Variants in DMD observed in about 807,000 individuals in gnomAD.
DMD encodes mutant dystrophin.
A neutral mutation model predicts 330.1 loss-of-function variants in DMD; 63 were observed. The ratio of observed to expected loss-of-function variants is 0.19; its 90% CI spans 0.16 to 0.24. The LOEUF (loss-of-function observed/expected upper bound fraction) is 0.24, where lower values mean the gene tolerates loss of function less well. Ranked by LOEUF, DMD falls within the 10% of genes least tolerant of loss-of-function variation. DMD has a pLI of 1.00. For missense variants in DMD, 3,344 were observed against 2,684.1 expected, an observed-to-expected ratio of 1.25 and a Z score of -5.43; for synonymous variants, 1,223 against 959.8, an observed-to-expected ratio of 1.27 and a Z score of -5.07.
intron 1 of DMD, among the ~76,000 whole-genome samples, chrX:33,254,127 C>T (rs1314008879): frequency 9.2e-6 from 1 of 108,225 alleles, no homozygotes; most frequent in Non-Finnish European, 1.9e-5. Context: ...AATATGTTCC[C>T]GATATTCTTG....
intron 52 of DMD, among the ~76,000 whole-genome samples, chrX:31,713,169 G>A: frequency 8.9e-6 from 1 of 111,928 alleles, no homozygotes; most frequent in East Asian, 2.8e-4. Flanking sequence ...GCTTTCTAAT[G>A]TCAAATATCA....
intron 60 of DMD, among the ~76,000 whole-genome samples, chrX:31,380,050 G>A (rs1253057991): frequency 9.0e-6 from 1 of 110,571 alleles, no homozygotes; most frequent in Non-Finnish European, 1.9e-5. Context: ...CACAGTGGAG[G>A]GTAAGTCCGT....
At chrX:32,084,322 A>G (rs1268056631) in intron 44 of DMD, among the ~76,000 whole-genome samples, 1 of 111,034 alleles carries the variant, frequency 9.0e-6, no homozygotes, top group Non-Finnish European at 1.9e-5. Context: ...GTGAAAACCA[A>G]GATGTTTCCT....
rs772488016 is a variant in DMD, at chrX:32,386,334, C to T, written c.4650G>A (p.Leu1550=). The T allele has an allele frequency of 1.7e-6, 2 of 1,208,958 alleles. No homozygotes were observed. The highest frequency in any genetic ancestry group is 4.4e-5 in the Admixed American group (2 of 45,817). ...CCTTTGCTCCCAGCTCATTATAATG[C>T]AATTTCAAAGCTGTTACTCTTTCAT... ...ELDERVTALK[L]HYNELGAKVT... is the part of the protein sequence containing the mutation. Residue 1550 remains leucine (L), a synonymous_variant, in exon 33 of 79, where the codon TTG becomes TTA. Coordinates refer to ENST00000357033, the MANE Select transcript of DMD (RefSeq NM_004006.3).
chrX:32,818,397 G>A (rs1432269488), intron 5 of DMD, among the ~76,000 whole-genome samples: 1 of 111,073 alleles, frequency 9.0e-6, no homozygotes, highest in Non-Finnish European at 1.9e-5. Flanking sequence ...AAATAATAAA[G>A]GGCAATGTAT....
chrX:32,278,470 C>T (rs757851705), intron 43 of DMD, among the ~76,000 whole-genome samples: 1 of 111,136 alleles, frequency 9.0e-6, no homozygotes, highest in African/African-American at 3.3e-5. Flanking sequence ...AAAATTTTCG[C>T]AACCTACTCA....
chrX:31,141,036 C>A (rs1248496441), intron 76 of DMD, among the ~76,000 whole-genome samples: 1 of 110,780 alleles, frequency 9.0e-6, no homozygotes, highest in Non-Finnish European at 1.9e-5. Flanking sequence ...ACTAAAAATA[C>A]AAGAAAAAGT....
At chrX:32,669,951 C>T (rs763466689) in intron 9 of DMD, among the ~76,000 whole-genome samples, 9 of 111,402 alleles carry the variant, frequency 8.1e-5, no homozygotes, top group Non-Finnish European at 1.7e-4. Flanking sequence ...ACACACGAAA[C>T]GAACAGTCAC....
chrX:32,252,685 A>AAATAT (rs1569553590), intron 43 of DMD, among the ~76,000 whole-genome samples: 1 of 26,507 alleles, frequency 3.8e-5, no homozygotes, highest in Non-Finnish European at 6.1e-5. Flanking sequence ...TAAATATATA[A>AAATAT]ATATATATAT....
intron 60 of DMD, among the ~76,000 whole-genome samples, chrX:31,370,797 A>G (rs1275723600): frequency 8.9e-6 from 1 of 112,150 alleles, no homozygotes; most frequent in Non-Finnish European, 1.9e-5. Flanking sequence ...TCAAGGGGTG[A>G]GTGATTAAAT....
intron 7 of DMD, among the ~76,000 whole-genome samples, chrX:32,773,528 T>A (rs12008416): frequency 0.026 from 2,853 of 108,074 alleles, 95 homozygotes; most frequent in African/African-American, 0.09. Flanking sequence ...TTTTTTTTTT[T>A]TTTTTACCTA....
chrX:32,483,191 T>G (rs1482785822), intron 21 of DMD, among the ~76,000 whole-genome samples: 1 of 58,226 alleles, frequency 1.7e-5, no homozygotes, highest in Non-Finnish European at 3.7e-5. Flanking sequence ...AAGGGTTATT[T>G]ATTAATCTAG....
At chrX:32,320,310 C>A (rs1185335198) in intron 41 of DMD, among the ~76,000 whole-genome samples, 2 of 111,716 alleles carry the variant, frequency 1.8e-5, no homozygotes, top group Non-Finnish European at 3.8e-5. Flanking sequence ...AGGAAGTATT[C>A]TCTTCATTAG....
chrX:33,307,025 T>C (rs1208989791), intron 1 of DMD, among the ~76,000 whole-genome samples: 2 of 111,788 alleles, frequency 1.8e-5, no homozygotes, highest in Non-Finnish European at 3.8e-5. Context: ...TAAAATTATA[T>C]CCTTTTAATA....
intron 1 of DMD, among the ~76,000 whole-genome samples, chrX:33,076,866 T>G (rs1196336064): frequency 9.0e-6 from 1 of 111,471 alleles, no homozygotes; most frequent in East Asian, 2.8e-4. Context: ...GACCGAAGTT[T>G]TATTATTACT....
intron 64 of DMD, among the ~76,000 whole-genome samples, chrX:31,212,996 T>C (rs1242102453): frequency 8.9e-6 from 1 of 112,797 alleles, no homozygotes; most frequent in South Asian, 3.7e-4. Context: ...TAAATAATTC[T>C]GTGATCTAAT....
At chrX:31,644,001 T>C (rs2079934687) in intron 54 of DMD, among the ~76,000 whole-genome samples, 1 of 112,062 alleles carries the variant, frequency 8.9e-6, no homozygotes, top group South Asian at 3.7e-4. Context: ...ACTTTCATTA[T>C]ATAGTAATCA....
In DMD at chrX:32,408,900, CTATCTATCT is replaced by C. The variant is rs1569561561; in HGVS notation, c.4233+2843_4233+2851del. ...TCTATCTATCTATCTATCTATCTAT[CTATCTATCT>C]ATCCATCCATCAATCCATACATCCA... is the stretch of plus-strand genomic sequence containing the variant. On this transcript the variant is annotated intron_variant, in intron 30 of 78. Transcript: ENST00000357033. Among the ~76,000 whole-genome samples the C allele has an allele frequency of 5.0e-3, 540 of 108,893 alleles. 4 individuals are homozygous for C. The highest frequency in any genetic ancestry group is 0.017 in the African/African-American group (499 of 29,782). The allele number at this position is 108,893 out of a possible 115,157, so 94.6% of individuals were successfully genotyped here.
At chrX:32,869,466 G>A (rs1476565429) in intron 2 of DMD, among the ~76,000 whole-genome samples, 1 of 110,026 alleles carries the variant, frequency 9.1e-6, no homozygotes, top group Non-Finnish European at 1.9e-5. Context: ...AGCTAAAGGA[G>A]CATGGTCTAA....
Sources: gnomAD v4.1 joint callset for allele counts (sites outside exome capture counted in the v4.1 genomes callset) on GRCh38, gnomAD v4.1.1 for gene constraint, MANE v1.5 for transcripts, NCBI Gene and HGNC (gene_info 2026-07-23, HGNC 2026-07-21) for gene names.